The following SBF2 variants were observed in gnomAD, a reference collection of about 807,000 sequenced individuals.
The protein encoded by SBF2 is myotubularin-related protein 13.
A neutral mutation model predicts 225.2 loss-of-function variants in SBF2; 112 were observed. That is an observed-to-expected ratio of 0.50 (90% CI 0.43 to 0.58). The LOEUF is 0.58. SBF2 is among the 20% of genes least tolerant of loss of function. SBF2 has a pLI of 0.00. For missense variants in SBF2, 1,996 were observed against 2,206.2 expected (o/e 0.90, Z 1.91); for synonymous variants, 763 against 773.3 (o/e 0.99, Z 0.22).
chr11:10,094,072 T>C (rs182944368), intron 2 of SBF2, among the ~76,000 whole-genome samples: 7 of 152,354 alleles, frequency 4.6e-5, no homozygotes, highest in Admixed American at 4.6e-4. Flanking sequence ...GGCTCACGCC[T>C]ATAATCCCAG....
chr11:10,114,829 T>C (rs1433988717), intron 2 of SBF2, among the ~76,000 whole-genome samples: 1 of 152,234 alleles, frequency 6.6e-6, no homozygotes, highest in East Asian at 1.9e-4. Flanking sequence ...ATCTTACTTA[T>C]GTTTGCACAT....
At chr11:10,279,404 A>T (rs983193059) in intron 1 of SBF2, among the ~76,000 whole-genome samples, 1 of 135,020 alleles carries the variant, frequency 7.4e-6, no homozygotes, top group African/African-American at 2.7e-5. Context: ...CAAGAGCGAG[A>T]CTCCATCTCA....
chr11:9,991,405 C>T (rs1947431097), intron 12 of SBF2, among the ~76,000 whole-genome samples: 1 of 152,104 alleles, frequency 6.6e-6, no homozygotes, highest in Non-Finnish European at 1.5e-5. Context: ...GATCCTTCTC[C>T]TCTGAACCAA....
At chr11:9,980,847 T>C (rs1469273633) in intron 13 of SBF2, among the ~76,000 whole-genome samples, 1 of 152,242 alleles carries the variant, frequency 6.6e-6, no homozygotes, top group African/African-American at 2.4e-5. Flanking sequence ...ATTACAGGCA[T>C]GAGCCACTGC....
At chr11:10,203,796 T>C (rs1957651061) in intron 1 of SBF2, among the ~76,000 whole-genome samples, 1 of 144,240 alleles carries the variant, frequency 6.9e-6, no homozygotes, top group Non-Finnish European at 1.5e-5. Context: ...AGGTTAATGG[T>C]TGTTATATGA....
intron 2 of SBF2, among the ~76,000 whole-genome samples, chr11:10,114,853 G>A (rs540985987): frequency 6.6e-6 from 1 of 152,212 alleles, no homozygotes; most frequent in African/African-American, 2.4e-5. Flanking sequence ...TCTACATGAT[G>A]GTTTGTTTTC....
At chr11:9,908,142 T>C (rs551841116) in intron 16 of SBF2, among the ~76,000 whole-genome samples, 8 of 152,156 alleles carry the variant, frequency 5.3e-5, no homozygotes, top group Non-Finnish European at 1.0e-4. Flanking sequence ...AAACTATACA[T>C]CTATGAAAAA....
intron 2 of SBF2, among the ~76,000 whole-genome samples, chr11:10,148,499 T>A (rs1954994678): frequency 2.2e-5 from 3 of 136,432 alleles, no homozygotes; most frequent in Non-Finnish European, 1.7e-5. Flanking sequence ...ACTAAATACC[T>A]ATTTTTTTTT....
intron 2 of SBF2, among the ~76,000 whole-genome samples, chr11:10,125,154 G>T (rs1953691574): frequency 1.3e-5 from 2 of 148,754 alleles, no homozygotes; most frequent in African/African-American, 4.9e-5. Flanking sequence ...ACCATGAATA[G>T]TATGATTATG....
intron 1 of SBF2, among the ~76,000 whole-genome samples, chr11:10,247,370 C>A (rs1591300903): frequency 6.6e-6 from 1 of 151,848 alleles, no homozygotes; most frequent in Admixed American, 6.6e-5. Context: ...TGTCATTCAC[C>A]ACAATTTAGG....
chr11:9,815,351 G>A (rs572956603), intron 29 of SBF2, among the ~76,000 whole-genome samples: 1 of 150,506 alleles, frequency 6.6e-6, no homozygotes, highest in East Asian at 2.0e-4. Context: ...AGCTACTCAG[G>A]AGACTGGGGC....
intron 2 of SBF2, among the ~76,000 whole-genome samples, chr11:10,136,126 C>T (rs886499966): frequency 5.3e-5 from 8 of 152,084 alleles, no homozygotes; most frequent in African/African-American, 1.7e-4. Context: ...GGGAAATTCC[C>T]CTTTATAACA....
At chr11:9,846,930 A>G in intron 23 of SBF2, 26 bp downstream of exon 23, 1 of 1,613,372 alleles carries the variant, frequency 6.2e-7, no homozygotes, top group Non-Finnish European at 8.5e-7. Flanking sequence ...TTTGAATAGT[A>G]AAACAATGGC....
At chr11:10,287,574 C>T (rs1963881467) in intron 1 of SBF2, among the ~76,000 whole-genome samples, 1 of 152,164 alleles carries the variant, frequency 6.6e-6, no homozygotes, top group Admixed American at 6.5e-5. Flanking sequence ...CAGCGGCCAG[C>T]CCTATATCTA....
intron 16 of SBF2, among the ~76,000 whole-genome samples, chr11:9,922,139 A>G (rs992796643): frequency 4.6e-5 from 7 of 152,146 alleles, no homozygotes; most frequent in African/African-American, 1.7e-4. Context: ...CTAGCTACTC[A>G]GGAGGCTGAG....
intron 33 of SBF2, among the ~76,000 whole-genome samples, chr11:9,792,886 G>A (rs533360984): frequency 1.1e-4 from 16 of 151,194 alleles, no homozygotes; most frequent in African/African-American, 3.6e-4. Flanking sequence ...CTGAACAGCT[G>A]CAACTACAGG....
chr11:9,989,506 T>G lies in SBF2; in HGVS notation c.1386A>C (p.Leu462=). The G allele has an allele frequency of 6.3e-7, 1 of 1,576,872 alleles. No homozygotes were observed. The highest frequency in any genetic ancestry group is 1.1e-5 in the South Asian group (1 of 89,080). The change falls in exon 13 of 40, where the codon CTA becomes CTC. Residue 462 remains leucine, a synonymous_variant. Coordinates refer to ENST00000256190, the MANE Select transcript of SBF2 (RefSeq NM_030962.4). ...IKHVRELAEQ[L]FKNENPNPHM... ...AAATATACTTACTTACATTTTTGAA[T>G]AGTTGCTCAGCAAGTTCCCTGACAT...
At chr11:10,200,183 A>G (rs902608234) in intron 1 of SBF2, among the ~76,000 whole-genome samples, 1 of 152,200 alleles carries the variant, frequency 6.6e-6, no homozygotes, top group Admixed American at 6.5e-5. Context: ...CAGTTCCACC[A>G]TTCCATCCTG....
chr11:9,955,819 T>C (rs1181445155), intron 16 of SBF2, among the ~76,000 whole-genome samples: 3 of 152,160 alleles, frequency 2.0e-5, no homozygotes, highest in East Asian at 1.9e-4. Context: ...CCCTCCTCTG[T>C]GTCCCGCAGA....
Sources: allele counts gnomAD v4.1 joint callset (sites outside exome capture counted in the v4.1 genomes callset), GRCh38; gene constraint gnomAD v4.1.1; transcripts MANE v1.5; gene names NCBI Gene and HGNC (gene_info 2026-07-23, HGNC 2026-07-21).